RABEP1: variants seen among roughly 807,000 people sequenced by gnomAD.
The protein encoded by RABEP1 is rab GTPase-binding effector protein 1.
In RABEP1, 51 loss-of-function variants were observed where a neutral mutation model predicts 123.4. The ratio of observed to expected loss-of-function variants is 0.41; its 90% CI spans 0.33 to 0.52. The LOEUF (loss-of-function observed/expected upper bound fraction) is 0.52, where lower values mean the gene tolerates loss of function less well. Among genes scored for constraint, RABEP1 ranks in the 20% least tolerant of loss-of-function variants. The pLI, the probability that RABEP1 is intolerant of heterozygous loss-of-function variation, is 0.16. For synonymous variants in RABEP1, 347 were observed against 355.2 expected (o/e 0.98, Z 0.26); for missense variants, 888 against 996.3 (o/e 0.89, Z 1.46).
At chr17:5,345,283 C>A (rs1327770113) in intron 5 of RABEP1, among the ~76,000 whole-genome samples, 1 of 151,392 alleles carries the variant, frequency 6.6e-6, no homozygotes, top group African/African-American at 2.4e-5. Flanking sequence ...CTGCATAGAT[C>A]CTGATACCAC....
At chr17:5,341,989 A>G (rs1907656610) in intron 5 of RABEP1, among the ~76,000 whole-genome samples, 1 of 152,244 alleles carries the variant, frequency 6.6e-6, no homozygotes, top group Non-Finnish European at 1.5e-5. Flanking sequence ...ATGCTCAGTA[A>G]TTCAGAAATG....
chr17:5,332,104 A>G lies in RABEP1; in HGVS notation c.319A>G (p.Lys107Glu), dbSNP rs1427360039. 6.2e-7 allele frequency: 1 copy of G among 1,614,056 alleles called. No homozygotes were observed. The highest frequency in any genetic ancestry group is 8.5e-7 in the Non-Finnish European group (1 of 1,180,028). The change falls in exon 3 of 18, where the codon AAA (lysine) becomes GAA (glutamate). Residue 107 changes from lysine to glutamate, a missense_variant. Lys to Glu is a moderately conservative substitution (Grantham distance 56). Coordinates refer to ENST00000537505, the MANE Select transcript of RABEP1 (RefSeq NM_004703.6). ...CAAGCAAGAAGCTATAGATGAAGTG[A>G]AAAGACAGTGGAGAGAAGAAGTTGC... The part of the protein sequence containing the change: ...NTKQEAIDEV[K>E]RQWREEVASL...
At chr17:5,368,600 A>G (rs1437693477) in intron 12 of RABEP1, 132 bp downstream of exon 12, 2 of 613,460 alleles carry the variant, frequency 3.3e-6, no homozygotes, top group Non-Finnish European at 5.7e-6. Context: ...CCGGGACTGT[A>G]GAACATTAAT....
intron 5 of RABEP1, 48 bp from the exon 6 acceptor site, chr17:5,346,738 AAGAT>A: frequency 2.1e-6 from 3 of 1,416,430 alleles, no homozygotes; most frequent in South Asian, 1.8e-5. Flanking sequence ...TTCTGTATCT[AAGAT>A]AGAAACTGTT....
At chr17:5,338,884 T>C (rs1907329304) in intron 5 of RABEP1, among the ~76,000 whole-genome samples, 1 of 151,942 alleles carries the variant, frequency 6.6e-6, no homozygotes, top group Admixed American at 6.6e-5. Flanking sequence ...AGGCCAGGTG[T>C]TGTGGCTCAC....
At chr17:5,346,685 G>A in intron 5 of RABEP1, 105 bp from the exon 6 acceptor site, 1 of 683,062 alleles carries the variant, frequency 1.5e-6, no homozygotes, top group East Asian at 3.1e-5. Context: ...AGATGTAAAA[G>A]TAAGTGTAAA....
rs375323638 is a variant in RABEP1 at position 5,354,458 on chromosome 17, G to A, written c.1063G>A (p.Glu355Lys). 8 of 1,612,456 alleles carry A rather than the reference G, an allele frequency of 5.0e-6. No individual in the cohort carries two copies. The highest frequency in any genetic ancestry group is 1.3e-5 in the African/African-American group (1 of 74,870). ...ACCAGTAGTGTGTGCTTTAACTCAA[G>A]AAGAATCTTCAGCCCAGTTATCAAA... is the stretch of plus-strand genomic sequence containing the variant. ...KIPVVCALTQ[E>K]ESSAQLSNEE... Residue 355 changes from glutamate to lysine, a missense_variant, in exon 8 of 18, where the codon GAA becomes AAA. Transcript: ENST00000537505.
At chr17:5,362,747 T>G (rs192492502) in intron 9 of RABEP1, among the ~76,000 whole-genome samples, 165 bp from the exon 10 acceptor site, 1 of 152,334 alleles carries the variant, frequency 6.6e-6, no homozygotes, top group Admixed American at 6.5e-5. Flanking sequence ...GAGAGTTTGA[T>G]TTTTTAGAAT....
At chr17:5,367,087 C>G (rs903628292) in intron 11 of RABEP1, among the ~76,000 whole-genome samples, 5 of 140,064 alleles carry the variant, frequency 3.6e-5, no homozygotes, top group Admixed American at 6.9e-5. Context: ...GAAACTCCGT[C>G]TGAAAGAAAA....
At chr17:5,337,984 A>G in intron 4 of RABEP1, 35 bp from the exon 5 acceptor site, 1 of 1,570,370 alleles carries the variant, frequency 6.4e-7, no homozygotes, top group East Asian at 2.3e-5. Flanking sequence ...GCAGTAAATG[A>G]ATAAGTCGTA....
intron 1 of RABEP1, among the ~76,000 whole-genome samples, chr17:5,290,250 G>C (rs1428339899): frequency 6.6e-6 from 1 of 152,092 alleles, no homozygotes; most frequent in Non-Finnish European, 1.5e-5. Flanking sequence ...ACCACACCCG[G>C]CTAATTTTTT....
At chr17:5,325,831 G>A (rs1345250207) in intron 2 of RABEP1, among the ~76,000 whole-genome samples, 1 of 151,940 alleles carries the variant, frequency 6.6e-6, no homozygotes, top group Non-Finnish European at 1.5e-5. Flanking sequence ...ATGTACATGT[G>A]CATCAATAAA....
At chr17:5,376,709 C>T (rs1289147590) in intron 13 of RABEP1, among the ~76,000 whole-genome samples, 1 of 152,156 alleles carries the variant, frequency 6.6e-6, no homozygotes, top group Non-Finnish European at 1.5e-5. Context: ...ATGTTATCCT[C>T]TTAGTTCACA....
At chr17:5,314,101 C>T (rs1306049206) in intron 2 of RABEP1, among the ~76,000 whole-genome samples, 2 of 152,166 alleles carry the variant, frequency 1.3e-5, no homozygotes, top group Non-Finnish European at 2.9e-5. Flanking sequence ...CCCAATAGGT[C>T]CAGCTTTTGC....
intron 1 of RABEP1, among the ~76,000 whole-genome samples, chr17:5,285,455 C>G (rs1039001788): frequency 1.3e-5 from 2 of 151,922 alleles, no homozygotes; most frequent in African/African-American, 2.4e-5. Flanking sequence ...TTTATTCTTG[C>G]CATGTTGGCC....
At chr17:5,329,892 C>T (rs998542423) in intron 2 of RABEP1, among the ~76,000 whole-genome samples, 1 of 150,598 alleles carries the variant, frequency 6.6e-6, no homozygotes, top group Non-Finnish European at 1.5e-5. Flanking sequence ...CTCTATTTCA[C>T]TTTTAAGTGC....
chr17:5,367,899 T>C (rs1249103418), intron 11 of RABEP1, among the ~76,000 whole-genome samples: 17 of 150,326 alleles, frequency 1.1e-4, no homozygotes, highest in Middle Eastern at 3.4e-3. Context: ...GGAATACAGG[T>C]GCCCGCCACC....
At chr17:5,339,596 G>A (rs191215093) in intron 5 of RABEP1, among the ~76,000 whole-genome samples, 110 of 152,126 alleles carry the variant, frequency 7.2e-4, no homozygotes, top group African/African-American at 2.5e-3. Flanking sequence ...TCAGGAGTTC[G>A]AGACCAGCCT....
intron 13 of RABEP1, among the ~76,000 whole-genome samples, chr17:5,374,687 TG>T (rs1910838404): frequency 6.6e-6 from 1 of 152,192 alleles, no homozygotes; most frequent in African/African-American, 2.4e-5. Flanking sequence ...TCACCCAGGC[TG>T]GAGTGCAGTG....
Sources: allele counts gnomAD v4.1 joint callset (sites outside exome capture counted in the v4.1 genomes callset), GRCh38; gene constraint gnomAD v4.1.1; transcripts MANE v1.5; gene names NCBI Gene and HGNC (gene_info 2026-07-23, HGNC 2026-07-21).